The following SNX20 variants were observed in gnomAD, a reference collection of about 807,000 sequenced individuals.
SNX20 encodes sorting nexin 20.
SNX20 carries 21 observed loss-of-function variants against 24.5 expected under a neutral mutation model. That is an observed-to-expected ratio of 0.86 (90% CI 0.61 to 1.23). SNX20 has a LOEUF of 1.23. Ranked by LOEUF, SNX20 falls within the 50% of genes most tolerant of loss-of-function variation. SNX20 has a pLI of 0.00. For missense variants in SNX20, 433 were observed against 430.8 expected (o/e 1.00, Z -0.04); for synonymous variants, 206 against 192.8 (o/e 1.07, Z -0.57).
chr16:50,673,348 C>T lies in SNX20; in HGVS notation c.*58G>A, dbSNP rs1162451435. On this transcript the variant is annotated 3_prime_UTR_variant, in exon 4 of 4. Transcript: ENST00000330943. The surrounding 1 kb of genome is among the most constrained non-coding windows in gnomAD (Gnocchi z 4.1). ...ATAAAAAAAAAGAACCCCAAACAGC[C>T]CACTGTGAGCCATGGTGACCCCAAA... 7.1e-7 allele frequency: 1 copy of T among 1,413,264 alleles called. No homozygotes were observed. The highest frequency in any genetic ancestry group is 9.3e-7 in the Non-Finnish European group (1 of 1,077,990). The allele number at this position is 1,413,264 out of a possible 1,614,324, so 87.5% of individuals were successfully genotyped here.
chr16:50,677,610 C>G, intron 1 of SNX20, 75 bp from the exon 2 acceptor site: 1 of 1,362,736 alleles, frequency 7.3e-7, no homozygotes. Flanking sequence ...TGCCTAGGAG[C>G]TGTGTCATGC....
intron 1 of SNX20, among the ~76,000 whole-genome samples, chr16:50,680,569 C>T (rs529271417): frequency 1.3e-5 from 2 of 152,090 alleles, no homozygotes; most frequent in African/African-American, 2.4e-5. Context: ...TGAGGGCCTG[C>T]GGAGGACTTT....
downstream of SNX20, chr16:50,670,176 T>G (rs1596788782): frequency 6.6e-6 from 1 of 152,308 alleles, no homozygotes; most frequent in Non-Finnish European, 1.5e-5. Flanking sequence ...TGCAGTCCCC[T>G]GGGATGAGGC....
At position 50,677,246 on chromosome 16, in the gene SNX20, C is replaced by A. The variant is rs1485288885; in HGVS notation, c.130+151G>T. ...GACCGTCTCCCGGATAAACAGCTTG[C>A]ACTAGATCTGTGTCTCAGTGTCTGT... On this transcript the variant is annotated intron_variant, in intron 2 of 3. Coordinates refer to ENST00000330943, the MANE Select transcript of SNX20 (RefSeq NM_182854.4). 5 of 1,047,864 alleles carry A rather than the reference C, an allele frequency of 4.8e-6. No homozygotes were observed. In the Admixed American group the frequency reaches 1.4e-4, roughly 29 times the overall value. 64.9% of individuals were successfully genotyped at this position (1,047,864 alleles called of 1,614,324 possible). A position where few individuals can be genotyped will look rare whatever the true frequency, so the allele number is the denominator to read the frequency against.
At chr16:50,678,305 G>A (rs893644729) in intron 1 of SNX20, among the ~76,000 whole-genome samples, 1 of 152,200 alleles carries the variant, frequency 6.6e-6, no homozygotes, top group African/African-American at 2.4e-5. Flanking sequence ...TTAACTGATA[G>A]CTTATTATAC....
downstream of SNX20, chr16:50,666,970 C>CA (rs5816711): frequency 0.93 from 141,340 of 152,364 alleles, 65,775 homozygotes; most frequent in African/African-American, 0.98. Context: ...TATGAGGTGA[C>CA]AAGTGTGGGT....
chr16:50,675,447 A>G (rs1259635817), intron 3 of SNX20, among the ~76,000 whole-genome samples: 1 of 152,242 alleles, frequency 6.6e-6, no homozygotes, highest in African/African-American at 2.4e-5. Flanking sequence ...AAAAATAAGT[A>G]ATAATAATTA....
chr16:50,678,499 A>G (rs1235226150), intron 1 of SNX20, among the ~76,000 whole-genome samples: 1 of 152,172 alleles, frequency 6.6e-6, no homozygotes, highest in Non-Finnish European at 1.5e-5. Flanking sequence ...TGTGCACTTC[A>G]CACCCAGCAC....
At position 50,674,078 on chromosome 16, in the gene SNX20, G is replaced by C; in HGVS notation, c.283-4C>G. The C allele has an allele frequency of 6.3e-7, 1 of 1,587,982 alleles. No individual in the cohort carries two copies. The highest frequency in any genetic ancestry group is 8.6e-7 in the Non-Finnish European group (1 of 1,165,706). On this transcript the variant is annotated splice_region_variant and splice_polypyrimidine_tract_variant and intron_variant, in intron 3 of 3. Transcript: ENST00000330943. ...GGATGACGATGATTTGGTACACCTAGGGCGCAACCAGAGAGAGCTGTGGCC... is the reference window on the plus strand; with the variant it reads ...GGATGACGATGATTTGGTACACCTACGGCGCAACCAGAGAGAGCTGTGGCC...
downstream of SNX20, chr16:50,669,575 A>T (rs572625570): frequency 1.3e-5 from 2 of 159,998 alleles, no homozygotes; most frequent in East Asian, 3.6e-4. Context: ...GGTGACCACC[A>T]TGCATCCAAA....
chr16:50,668,285 G>T, downstream of SNX20: 1 of 1,397,262 alleles, frequency 7.2e-7, no homozygotes, highest in Non-Finnish European at 9.3e-7. Context: ...GTCCTTCTGA[G>T]TAAATCAAAG....
chr16:50,668,875 C>T, downstream of SNX20: 1 of 1,407,016 alleles, frequency 7.1e-7, no homozygotes, highest in Non-Finnish European at 9.3e-7. Flanking sequence ...GCCAAGGGGT[C>T]ACAGTCCACC....
rs149659749 is a variant in SNX20 at position 50,680,280 on chromosome 16, G to A, written c.-10+910C>T. Among the ~76,000 whole-genome samples, 13 of 152,252 alleles carry A rather than the reference G, an allele frequency of 8.5e-5. No individual in the cohort carries two copies. In the East Asian group the frequency reaches 1.7e-3, roughly 20 times the overall value. On this transcript the variant is annotated intron_variant, in intron 1 of 3. Coordinates refer to ENST00000330943, the MANE Select transcript of SNX20 (RefSeq NM_182854.4). ...GCTCTCTGGGGATAGCCACATAGAC[G>A]GTTCCATGGCCCTTTCCTTCCCTCT...
rs1297175036 is a variant in SNX20 at position 50,673,831 on chromosome 16, G to C, written c.526C>G (p.Arg176Gly). 6.3e-7 allele frequency: 1 copy of C among 1,598,950 alleles called. No homozygotes were observed. Among genetic ancestry groups the C allele is most frequent in the African/African-American group, 1.3e-5 (1 of 74,582 alleles). ...AGGAAGTCCAGGAACTCCCGGGAGC[G>C]GCGCACGCAGCGGATGGCGTAGAGC... is the stretch of plus-strand genomic sequence containing the variant. The part of the protein sequence containing the change: ...GLLYAIRCVR[R>G]SREFLDFLTR... The change falls in exon 4 of 4, where the codon CGC becomes GGC. Residue 176 changes from arginine to glycine, a missense_variant. Arg to Gly is a moderately radical substitution (Grantham distance 125, BLOSUM62 -2). Coordinates refer to ENST00000330943, the MANE Select transcript of SNX20 (RefSeq NM_182854.4). The surrounding 1 kb of genome is among the most constrained non-coding windows in gnomAD (Gnocchi z 4.1).
chr16:50,677,713 T>A (rs898555348), intron 1 of SNX20, among the ~76,000 whole-genome samples, 178 bp from the exon 2 acceptor site: 4 of 152,190 alleles, frequency 2.6e-5, no homozygotes, highest in Admixed American at 2.0e-4. Flanking sequence ...GGTCTGCCCC[T>A]TTGCTGGGCA....
downstream of SNX20, chr16:50,669,620 G>A (rs565545513): frequency 6.5e-6 from 1 of 153,890 alleles, no homozygotes; most frequent in South Asian, 2.0e-4. Context: ...AGGGGACCAG[G>A]AACATATCCC....
At chr16:50,674,118 G>A in intron 3 of SNX20, 44 bp from the exon 4 acceptor site, 1 of 1,543,116 alleles carries the variant, frequency 6.5e-7, no homozygotes, top group Non-Finnish European at 8.7e-7. Flanking sequence ...CCCGGCGGGG[G>A]CTGCGGCGGA....
chr16:50,674,059 C>G lies in SNX20; in HGVS notation c.298G>C (p.Val100Leu). ...VSKFVVYQIIVIQTGSFDNNK... is the reference protein window; with the variant it reads ...VSKFVVYQIILIQTGSFDNNK... ...TTGTCAAAGCTCCCAGTCTGGATGA[C>G]GATGATTTGGTACACCTAGGGCGCA... The change falls in exon 4 of 4, where the codon GTC (valine) becomes CTC (leucine). Residue 100 changes from valine (V) to leucine (L), a missense_variant. Val to Leu is a conservative substitution (Grantham distance 32). Coordinates refer to ENST00000330943, the MANE Select transcript of SNX20 (RefSeq NM_182854.4). 3 of 1,602,574 alleles carry G rather than the reference C, an allele frequency of 1.9e-6. No homozygotes were observed. Among genetic ancestry groups the G allele is most frequent in the Non-Finnish European group, 2.6e-6 (3 of 1,173,726 alleles).
downstream of SNX20, chr16:50,671,433 C>A (rs1172392333): frequency 6.6e-6 from 1 of 152,172 alleles, no homozygotes; most frequent in Non-Finnish European, 1.5e-5. Flanking sequence ...CCTTAATGTC[C>A]CCTCCTGTAC....
Sources: allele counts gnomAD v4.1 joint callset (sites outside exome capture counted in the v4.1 genomes callset), GRCh38; gene constraint gnomAD v4.1.1; non-coding constraint Gnocchi (gnomAD v3.1); transcripts MANE v1.5; gene names NCBI Gene and HGNC (gene_info 2026-07-23, HGNC 2026-07-21).